Variants in LINGO2 observed in about 807,000 individuals in gnomAD.
LINGO2 encodes the protein leucine rich repeat and Ig domain containing 2, also known as leucine-rich repeat and immunoglobulin-like domain-containing nogo receptor-interacting protein 2.
In LINGO2, 14 loss-of-function variants were observed where a neutral mutation model predicts 30.6. The observed-to-expected ratio is 0.46, with a 90% CI of 0.30 to 0.72. LINGO2 has a LOEUF of 0.72. LINGO2 is among the 30% of genes least tolerant of loss of function. LINGO2 has a pLI of 0.07. For missense variants in LINGO2, 729 were observed against 751.7 expected (o/e 0.97, Z 0.35); for synonymous variants, 317 against 288.5 (o/e 1.10, Z -1.00).
chr9:29,184,049 T>C, the LINGO2 span, among the ~76,000 whole-genome samples: 1 of 152,178 alleles, frequency 6.6e-6, no homozygotes, highest in South Asian at 2.1e-4. Flanking sequence ...AACACGCTCT[T>C]ATCTAAAGCA....
intron 3 of LINGO2, among the ~76,000 whole-genome samples, chr9:28,345,872 A>C (rs1819544415): frequency 6.6e-6 from 1 of 152,312 alleles, no homozygotes; most frequent in Non-Finnish European, 1.5e-5. Context: ...CAAAAATAGC[A>C]AAAGTCCTTA....
intron 1 of LINGO2, among the ~76,000 whole-genome samples, chr9:28,645,878 T>C (rs141115672): frequency 1.6e-4 from 24 of 152,194 alleles, no homozygotes; most frequent in Middle Eastern, 3.4e-3. Flanking sequence ...AGTGCGCAGA[T>C]TGATTAGAGT....
chr9:28,042,793 C>T (rs1198004), intron 4 of LINGO2, among the ~76,000 whole-genome samples: 125,567 of 152,124 alleles, frequency 0.83, 52,337 homozygotes, highest in Non-Finnish European at 0.88. Flanking sequence ...TTATCTTTGC[C>T]TATTTTCTTC....
intron 3 of LINGO2, among the ~76,000 whole-genome samples, chr9:28,316,808 C>T (rs991857059): frequency 6.6e-6 from 1 of 152,072 alleles, no homozygotes; most frequent in African/African-American, 2.4e-5. Flanking sequence ...TTCAGAAAGA[C>T]GTTTAATCTG....
At chr9:28,059,836 A>G (rs1825086771) in intron 4 of LINGO2, among the ~76,000 whole-genome samples, 1 of 151,950 alleles carries the variant, frequency 6.6e-6, no homozygotes, top group African/African-American at 2.4e-5. Context: ...GACGCTTCTA[A>G]ACAATGGTTT....
chr9:29,119,837 A>AT, the LINGO2 span, among the ~76,000 whole-genome samples: 2 of 151,974 alleles, frequency 1.3e-5, no homozygotes, highest in African/African-American at 4.8e-5. Context: ...ACCTCAGGTG[A>AT]TCCCCCCACC....
the LINGO2 span, among the ~76,000 whole-genome samples, chr9:29,160,991 G>A: frequency 1.3e-5 from 2 of 152,222 alleles, no homozygotes; most frequent in African/African-American, 4.8e-5. Context: ...CATGGCTCGG[G>A]CTGGCGCCCA....
intron 1 of LINGO2, among the ~76,000 whole-genome samples, chr9:28,486,829 C>CTATG (rs1826186600): frequency 6.6e-6 from 1 of 152,084 alleles, no homozygotes; most frequent in Non-Finnish European, 1.5e-5. Flanking sequence ...AACTCACAAT[C>CTATG]TATGACTAGA....
At chr9:28,381,358 G>T (rs1017414700) in intron 2 of LINGO2, among the ~76,000 whole-genome samples, 5 of 152,050 alleles carry the variant, frequency 3.3e-5, no homozygotes, top group African/African-American at 1.2e-4. Flanking sequence ...AGTCTCCATT[G>T]GTTGGTGAGT....
intron 2 of LINGO2, among the ~76,000 whole-genome samples, chr9:28,466,134 A>C (rs1247117292): frequency 6.6e-6 from 1 of 152,200 alleles, no homozygotes; most frequent in African/African-American, 2.4e-5. Context: ...CCAAAAAACA[A>C]AGCAGTATAT....
At chr9:28,180,905 C>T (rs1005033894) in intron 4 of LINGO2, among the ~76,000 whole-genome samples, 3 of 152,078 alleles carry the variant, frequency 2.0e-5, no homozygotes, top group African/African-American at 7.2e-5. Context: ...GTTCACTACT[C>T]TAGTTCACAT....
At chr9:28,172,390 CAA>C (rs11421802) in intron 4 of LINGO2, among the ~76,000 whole-genome samples, 13 of 119,184 alleles carry the variant, frequency 1.1e-4, no homozygotes, top group Non-Finnish European at 1.3e-4. Flanking sequence ...GACTCCGTCT[CAA>C]AAAAAAAAAA....
At chr9:28,436,691 T>C (rs920693483) in intron 2 of LINGO2, among the ~76,000 whole-genome samples, 1 of 152,078 alleles carries the variant, frequency 6.6e-6, no homozygotes, top group Non-Finnish European at 1.5e-5. Context: ...TCTCCTGACC[T>C]CGTGATCCGC....
intron 2 of LINGO2, among the ~76,000 whole-genome samples, chr9:28,404,868 T>C (rs557553281): frequency 6.6e-6 from 1 of 151,238 alleles, no homozygotes; most frequent in East Asian, 2.0e-4. Context: ...TGGAAGAATG[T>C]GACTGCTGTT....
At chr9:28,417,559 G>A (rs1823014386) in intron 2 of LINGO2, among the ~76,000 whole-genome samples, 1 of 134,776 alleles carries the variant, frequency 7.4e-6, no homozygotes, top group African/African-American at 2.5e-5. Context: ...GTAATACATA[G>A]TTTGTGGTTC....
At chr9:28,470,468 C>G (rs1825475534) in intron 2 of LINGO2, among the ~76,000 whole-genome samples, 1 of 152,130 alleles carries the variant, frequency 6.6e-6, no homozygotes, top group Non-Finnish European at 1.5e-5. Flanking sequence ...GAGGAAATGA[C>G]TGGGAAAGTG....
chr9:28,090,649 TGGCACAAGACAG>T (rs1826052597), intron 4 of LINGO2, among the ~76,000 whole-genome samples: 1 of 152,132 alleles, frequency 6.6e-6, no homozygotes, highest in Non-Finnish European at 1.5e-5. Context: ...CTTTGAAAAC[TGGCACAAGACAG>T]GGATACCTTC....
At chr9:28,688,139 G>T in the LINGO2 span, among the ~76,000 whole-genome samples, 34 of 152,260 alleles carry the variant, frequency 2.2e-4, no homozygotes, top group African/African-American at 7.7e-4. Context: ...ATACAGAGTT[G>T]CTGCAGGCTA....
At chr9:28,951,192 A>C in the LINGO2 span, among the ~76,000 whole-genome samples, 26 of 152,178 alleles carry the variant, frequency 1.7e-4, no homozygotes, top group Non-Finnish European at 2.9e-4. Flanking sequence ...AGCCACATGC[A>C]GAAAACTGAA....
Sources: gnomAD v4.1 joint callset for allele counts (sites outside exome capture counted in the v4.1 genomes callset) on GRCh38, gnomAD v4.1.1 for gene constraint, MANE v1.5 for transcripts, NCBI Gene and HGNC (gene_info 2026-07-23, HGNC 2026-07-21) for gene names.